LRRFIP2: variants seen among roughly 807,000 people sequenced by gnomAD.
LRRFIP2 encodes LRR binding FLII interacting protein 2, also known as leucine-rich repeat flightless-interacting protein 2.
In LRRFIP2, 109 loss-of-function variants were observed where a neutral mutation model predicts 125.9. The observed-to-expected ratio is 0.87, with a 90% CI of 0.74 to 1.01. LRRFIP2 has a LOEUF of 1.01. Ranked by LOEUF, LRRFIP2 falls within the 50% of genes least tolerant of loss-of-function variation. The pLI, the probability that LRRFIP2 is intolerant of heterozygous loss-of-function variation, is 0.00. For synonymous variants in LRRFIP2, 291 were observed against 293.1 expected, an observed-to-expected ratio of 0.99 and a Z score of 0.07; for missense variants, 850 against 862.3, an observed-to-expected ratio of 0.99 and a Z score of 0.18.
intron 25 of LRRFIP2, among the ~76,000 whole-genome samples, chr3:37,056,762 G>T (rs2087007521): frequency 6.6e-6 from 1 of 152,084 alleles, no homozygotes; most frequent in African/African-American, 2.4e-5. Context: ...ACCTTAAAAG[G>T]AACAGGGTTA....
Position 37,164,402 on chromosome 3 carries a change from T to C in LRRFIP2, c.-56+10137A>G, listed in dbSNP as rs188332928. On this transcript the variant is annotated intron_variant, in intron 1 of 27. Coordinates refer to ENST00000336686, the MANE Select transcript of LRRFIP2 (RefSeq NM_006309.4). ...CCATCCGAAGATACTCCTATTTTAA[T>C]AACATTATTTTTTAAACAAAAATTG... Among the ~76,000 whole-genome samples the C allele has an allele frequency of 3.3e-4, 50 of 152,318 alleles. 1 individual carries two copies. Among genetic ancestry groups the C allele is most frequent in the African/African-American group, 1.0e-3 (43 of 41,572 alleles).
At chr3:37,077,745 A>G (rs2092239210) in intron 19 of LRRFIP2, among the ~76,000 whole-genome samples, 1 of 152,220 alleles carries the variant, frequency 6.6e-6, no homozygotes, top group African/African-American at 2.4e-5. Flanking sequence ...TCCTAGTGGA[A>G]ACAATTCAAG....
chr3:37,058,570 G>A (rs550164649), intron 25 of LRRFIP2, among the ~76,000 whole-genome samples: 14 of 151,958 alleles, frequency 9.2e-5, no homozygotes, highest in Non-Finnish European at 1.0e-4. Context: ...AGCTACTCAG[G>A]AGGCTGAGGC....
intron 4 of LRRFIP2, among the ~76,000 whole-genome samples, chr3:37,123,682 G>A (rs929639716): frequency 6.6e-6 from 1 of 152,076 alleles, no homozygotes; most frequent in African/African-American, 2.4e-5. Flanking sequence ...TTTACTATAA[G>A]GTGAGTTAAC....
chr3:37,088,765 C>G (rs2149130159), intron 18 of LRRFIP2, among the ~76,000 whole-genome samples: 1 of 151,628 alleles, frequency 6.6e-6, no homozygotes, highest in South Asian at 2.1e-4. Context: ...TCACTACACT[C>G]CAGCTTGAGT....
At chr3:37,146,694 T>A (rs982043841) in intron 2 of LRRFIP2, among the ~76,000 whole-genome samples, 1 of 152,212 alleles carries the variant, frequency 6.6e-6, no homozygotes, top group African/African-American at 2.4e-5. Context: ...ATGTACCACA[T>A]TTTCTTTATC....
At chr3:37,126,798 G>T (rs2095291231) in intron 4 of LRRFIP2, among the ~76,000 whole-genome samples, 1 of 151,644 alleles carries the variant, frequency 6.6e-6, no homozygotes, top group Non-Finnish European at 1.5e-5. Context: ...GACGGAGGTT[G>T]CAGTGAGCTG....
At chr3:37,162,277 A>C (rs1488706260) in intron 1 of LRRFIP2, among the ~76,000 whole-genome samples, 3 of 152,152 alleles carry the variant, frequency 2.0e-5, no homozygotes, top group Non-Finnish European at 4.4e-5. Context: ...AGAGTGTTCA[A>C]CACAAGTCCT....
Position 37,114,595 on chromosome 3 carries a change from C to G in LRRFIP2, c.372+459G>C, listed in dbSNP as rs371564528. Among the ~76,000 whole-genome samples the G allele has an allele frequency of 1.1e-4, 17 of 152,114 alleles. No homozygotes were observed. The East Asian group carries it at 2.3e-3, about 21-fold the overall frequency. On this transcript the variant is annotated intron_variant, in intron 7 of 27. Coordinates refer to ENST00000336686, the MANE Select transcript of LRRFIP2 (RefSeq NM_006309.4). The stretch of plus-strand genomic sequence containing the variant: ...ACCAAAAGTTCGAGACCAGCCTGGA[C>G]AGCATAGCAAAACCCCATCTCTACA...
chr3:37,125,662 C>G (rs183603837), intron 4 of LRRFIP2, among the ~76,000 whole-genome samples: 3 of 152,262 alleles, frequency 2.0e-5, no homozygotes, highest in Non-Finnish European at 4.4e-5. Flanking sequence ...CATTTCTGAG[C>G]TTCCTTCCTT....
At chr3:37,056,992 C>T (rs556464033) in intron 25 of LRRFIP2, among the ~76,000 whole-genome samples, 3 of 152,138 alleles carry the variant, frequency 2.0e-5, no homozygotes, top group Non-Finnish European at 4.4e-5. Flanking sequence ...TTTGAAATCC[C>T]ATTCCAAAAC....
upstream of LRRFIP2, chr3:37,174,961 CAG>C (rs1200499131): frequency 6.6e-6 from 1 of 152,184 alleles, no homozygotes; most frequent in Non-Finnish European, 1.5e-5. Context: ...ATCTGTTAAA[CAG>C]AGCATGACGT....
At chr3:37,135,797 C>G (rs1388438079) in intron 2 of LRRFIP2, among the ~76,000 whole-genome samples, 4 of 152,128 alleles carry the variant, frequency 2.6e-5, no homozygotes, top group Admixed American at 6.5e-5. Context: ...CTGAAAATAA[C>G]TAAAATTGGC....
intron 24 of LRRFIP2, among the ~76,000 whole-genome samples, chr3:37,063,347 T>C (rs2089290735): frequency 6.6e-6 from 1 of 152,144 alleles, no homozygotes; most frequent in Non-Finnish European, 1.5e-5. Context: ...TCATCTTCCA[T>C]AAAAGGATGT....
intron 2 of LRRFIP2, among the ~76,000 whole-genome samples, chr3:37,143,209 G>C (rs2095760599): frequency 6.6e-6 from 1 of 152,124 alleles, no homozygotes; most frequent in Non-Finnish European, 1.5e-5. Flanking sequence ...ACCCAGTCTT[G>C]GGCATTTATA....
intron 1 of LRRFIP2, among the ~76,000 whole-genome samples, chr3:37,166,975 A>T (rs1243937183): frequency 6.6e-6 from 1 of 151,920 alleles, no homozygotes; most frequent in Non-Finnish European, 1.5e-5. Context: ...AGATAGCGCC[A>T]TTGCACTCCA....
chr3:37,072,190 G>C (rs1213912551), intron 21 of LRRFIP2, among the ~76,000 whole-genome samples: 1 of 152,084 alleles, frequency 6.6e-6, no homozygotes, highest in Non-Finnish European at 1.5e-5. Context: ...GAATGCCTGT[G>C]GCTGTTTCTG....
chr3:37,071,244 G>C (rs2091132319), intron 21 of LRRFIP2, among the ~76,000 whole-genome samples: 1 of 152,198 alleles, frequency 6.6e-6, no homozygotes. Flanking sequence ...TAAAGAAAGG[G>C]TATCACTCTA....
chr3:37,175,807 A>G (rs1345502922), upstream of LRRFIP2: 3 of 152,242 alleles, frequency 2.0e-5, no homozygotes, highest in Admixed American at 1.3e-4. Flanking sequence ...CACAGTGGGA[A>G]TAACACGTAC....
Sources: allele counts gnomAD v4.1 joint callset (sites outside exome capture counted in the v4.1 genomes callset), GRCh38; gene constraint gnomAD v4.1.1; transcripts MANE v1.5; gene names NCBI Gene and HGNC (gene_info 2026-07-23, HGNC 2026-07-21).